The following SEMA3D variants were observed in gnomAD, a reference collection of about 807,000 sequenced individuals.
SEMA3D encodes the protein semaphorin 3D, also known as semaphorin-3D.
Under a neutral mutation model 100.1 loss-of-function variants are expected in SEMA3D, and 84 were observed. The ratio of observed to expected loss-of-function variants is 0.84; its 90% CI spans 0.70 to 1.01. SEMA3D has a LOEUF of 1.01. SEMA3D is among the 50% of genes least tolerant of loss of function. SEMA3D has a pLI of 0.00. For synonymous variants in SEMA3D, 312 were observed against 320.7 expected, an observed-to-expected ratio of 0.97 and a Z score of 0.29; for missense variants, 875 against 934.1, an observed-to-expected ratio of 0.94 and a Z score of 0.82.
the SEMA3D span, among the ~76,000 whole-genome samples, chr7:85,202,824 C>CTT: frequency 1.4e-3 from 213 of 150,810 alleles, no homozygotes; most frequent in Non-Finnish European, 2.1e-3. Context: ...ATGGCAATCT[C>CTT]TTTTTTTTTA....
In SEMA3D at chr7:85,018,298, A is replaced by ATTT. The variant is rs1164386676; in HGVS notation, c.1504-6_1504-5insAAA. Reference sequence around the variant, plus strand: ...GTTCAAGATGATTGATGAGTGCTGAAAATAGAAGTTAAATGTCAATAAAGA... The same window carrying ATTT: ...GTTCAAGATGATTGATGAGTGCTGAATTTAATAGAAGTTAAATGTCAATAAAGA... On this transcript the variant is annotated splice_polypyrimidine_tract_variant and splice_region_variant and intron_variant, in intron 14 of 18. Coordinates refer to ENST00000284136, the MANE Select transcript of SEMA3D (RefSeq NM_001384900.1). The ATTT allele has an allele frequency of 1.3e-6, 2 of 1,575,928 alleles. No homozygotes were observed. The highest frequency in any genetic ancestry group is 1.7e-6 in the Non-Finnish European group (2 of 1,146,950).
At chr7:85,174,709 A>T (rs1038346440) in intron 1 of SEMA3D, among the ~76,000 whole-genome samples, 2 of 152,118 alleles carry the variant, frequency 1.3e-5, no homozygotes, top group Non-Finnish European at 2.9e-5. Flanking sequence ...GAATGAAAAA[A>T]TCTTTTCCAG....
the SEMA3D span, among the ~76,000 whole-genome samples, chr7:85,246,977 G>A: frequency 1.3e-5 from 2 of 151,836 alleles, no homozygotes; most frequent in African/African-American, 4.8e-5. Context: ...GAAAGTATAC[G>A]TAAGTCGCTG....
rs1412769921 is a variant in SEMA3D at position 85,073,044 on chromosome 7, T to C, written c.413A>G (p.Tyr138Cys). 2.5e-6 allele frequency: 4 copies of C among 1,612,528 alleles called. No individual in the cohort carries two copies. Among genetic ancestry groups the C allele is most frequent in the African/African-American group, 2.7e-5 (2 of 74,890 alleles). ...CANFIRVLQPYNKTHIYVCGT... is the reference protein window; with the variant it reads ...CANFIRVLQPCNKTHIYVCGT... ...ACACACATATATGTGAGTTTTGTTA[T>C]AGGGCTGAAGTACTCTGATGAAATT... The change falls in exon 6 of 19, where the codon TAT becomes TGT. Residue 138 changes from tyrosine (Y) to cysteine (C), a missense_variant. Tyr to Cys is a radical substitution (Grantham distance 194). Transcript: ENST00000284136.
chr7:85,184,091 G>A (rs2116585920), intron 1 of SEMA3D, among the ~76,000 whole-genome samples: 1 of 152,120 alleles, frequency 6.6e-6, no homozygotes, highest in East Asian at 1.9e-4. Flanking sequence ...ATACGATTCT[G>A]GGCTTATCGA....
intron 18 of SEMA3D, among the ~76,000 whole-genome samples, 189 bp downstream of exon 18, chr7:85,006,613 G>A (rs954195394): frequency 6.6e-6 from 1 of 151,720 alleles, no homozygotes; most frequent in African/African-American, 2.4e-5. Flanking sequence ...TATATTTTAC[G>A]AATACATTTG....
the SEMA3D span, among the ~76,000 whole-genome samples, chr7:85,218,950 C>T: frequency 6.6e-6 from 1 of 152,084 alleles, no homozygotes; most frequent in African/African-American, 2.4e-5. Flanking sequence ...TATTCTGATA[C>T]CCAATTAAAA....
the SEMA3D span, among the ~76,000 whole-genome samples, chr7:85,234,427 G>A: frequency 5.2e-3 from 795 of 152,288 alleles, 10 homozygotes; most frequent in African/African-American, 0.018. Flanking sequence ...CAGACTGAAG[G>A]CAGCTGTGAA....
chr7:85,098,062 G>A (rs1788621947), intron 3 of SEMA3D, 97 bp from the exon 4 acceptor site: 39 of 641,936 alleles, frequency 6.1e-5, no homozygotes, highest in South Asian at 3.6e-4. Flanking sequence ...AAAGGAAAGA[G>A]AGAAAAGGAA....
intron 2 of SEMA3D, chr7:85,142,230 C>T (rs566718482): frequency 1.0e-6 from 1 of 979,948 alleles, no homozygotes; most frequent in African/African-American, 1.7e-5. Context: ...TTTGAGATAT[C>T]ATCTCTCTAC....
At chr7:85,135,208 C>A (rs961814586) in intron 2 of SEMA3D, among the ~76,000 whole-genome samples, 1 of 151,992 alleles carries the variant, frequency 6.6e-6, no homozygotes, top group Non-Finnish European at 1.5e-5. Context: ...AATTAATGTA[C>A]TTTAAAATCT....
At chr7:85,101,022 G>T (rs1189410157) in intron 3 of SEMA3D, among the ~76,000 whole-genome samples, 1 of 151,942 alleles carries the variant, frequency 6.6e-6, no homozygotes, top group Non-Finnish European at 1.5e-5. Flanking sequence ...ACCCAATGGT[G>T]TAATATATTT....
intron 1 of SEMA3D, among the ~76,000 whole-genome samples, chr7:85,169,169 T>C (rs1791017005): frequency 6.6e-6 from 1 of 151,788 alleles, no homozygotes; most frequent in South Asian, 2.1e-4. Context: ...AACTGACAGT[T>C]TGTCAAGGCT....
intron 13 of SEMA3D, among the ~76,000 whole-genome samples, chr7:85,021,558 GA>G (rs1353729158): frequency 1.3e-4 from 19 of 151,760 alleles, no homozygotes; most frequent in Admixed American, 8.6e-4. Flanking sequence ...ACTTCTATAA[GA>G]TCCATAATTT....
intron 2 of SEMA3D, among the ~76,000 whole-genome samples, chr7:85,146,614 AT>A (rs1348426122): frequency 2.0e-5 from 3 of 151,926 alleles, no homozygotes; most frequent in Non-Finnish European, 4.4e-5. Context: ...ATGCAATTGT[AT>A]TGGTAAAAAG....
At chr7:85,066,913 C>CACAGAGAGAGAGAG in intron 7 of SEMA3D, among the ~76,000 whole-genome samples, 6 of 127,820 alleles carry the variant, frequency 4.7e-5, no homozygotes, top group South Asian at 2.4e-4. Flanking sequence ...CACACACACA[C>CACAGAGAGAGAGAG]AGAGAGAGAG....
At chr7:85,001,052 G>GA (rs527487050) in intron 18 of SEMA3D, among the ~76,000 whole-genome samples, 80 of 152,186 alleles carry the variant, frequency 5.3e-4, no homozygotes, top group South Asian at 4.6e-3. Context: ...AAATATGTAG[G>GA]AAAAAATCTC....
the SEMA3D span, among the ~76,000 whole-genome samples, chr7:85,248,237 A>G: frequency 6.6e-6 from 1 of 152,168 alleles, no homozygotes; most frequent in Non-Finnish European, 1.5e-5. Flanking sequence ...TGTAGGCCAG[A>G]TGTCATCAGT....
intron 4 of SEMA3D, among the ~76,000 whole-genome samples, chr7:85,084,579 T>A (rs933220262): frequency 7.2e-5 from 11 of 152,174 alleles, no homozygotes; most frequent in Non-Finnish European, 1.5e-4. Flanking sequence ...GGTTTTTTTT[T>A]TCAATAATAT....
Sources: gnomAD v4.1 joint callset for allele counts (sites outside exome capture counted in the v4.1 genomes callset) on GRCh38, gnomAD v4.1.1 for gene constraint, MANE v1.5 for transcripts, NCBI Gene and HGNC (gene_info 2026-07-23, HGNC 2026-07-21) for gene names.